The following ACAP2 variants were observed in gnomAD, a reference collection of about 807,000 sequenced individuals.
ACAP2 encodes ArfGAP with coiled-coil, ankyrin repeat and PH domains 2, also known as arf-GAP with coiled-coil, ANK repeat and PH domain-containing protein 2.
Under a neutral mutation model 115.8 loss-of-function variants are expected in ACAP2, and 39 were observed. That is an observed-to-expected ratio of 0.34 (90% CI 0.26 to 0.44). The LOEUF (loss-of-function observed/expected upper bound fraction) is 0.44. Among genes scored for constraint, ACAP2 ranks in the 20% least tolerant of loss-of-function variants. ACAP2 has a pLI of 1.00. For synonymous variants in ACAP2, 289 were observed against 315.8 expected (o/e 0.92, Z 0.90); for missense variants, 662 against 927.6 (o/e 0.71, Z 3.72).
intron 4 of ACAP2, among the ~76,000 whole-genome samples, chr3:195,368,504 T>C (rs973185617): frequency 1.3e-5 from 2 of 152,200 alleles, no homozygotes; most frequent in African/African-American, 4.8e-5. Flanking sequence ...TAATTCTTCC[T>C]CCTGCATTCC....
chr3:195,418,661 C>T (rs1713931458), intron 1 of ACAP2, among the ~76,000 whole-genome samples: 1 of 152,154 alleles, frequency 6.6e-6, no homozygotes, highest in South Asian at 2.1e-4. Flanking sequence ...AACACCTGGC[C>T]TCAAGCAATC....
chr3:195,380,828 GCACA>G (rs933277407), intron 4 of ACAP2, among the ~76,000 whole-genome samples, 177 bp downstream of exon 4: 1 of 151,834 alleles, frequency 6.6e-6, no homozygotes, highest in Non-Finnish European at 1.5e-5. Flanking sequence ...AGGCATGCAT[GCACA>G]CACACACTCA....
chr3:195,333,187 CAT>C, intron 7 of ACAP2, 64 bp from the exon 8 acceptor site: 3 of 740,840 alleles, frequency 4.0e-6, no homozygotes, highest in East Asian at 4.3e-5. Context: ...TGAAATATTA[CAT>C]ATATATATAA....
chr3:195,280,279 C>T (rs936328857), intron 22 of ACAP2, among the ~76,000 whole-genome samples: 2 of 152,032 alleles, frequency 1.3e-5, no homozygotes, highest in Non-Finnish European at 2.9e-5. Flanking sequence ...TTGAGACCGC[C>T]CGGCCAACAT....
intron 1 of ACAP2, among the ~76,000 whole-genome samples, chr3:195,420,783 C>T (rs562080578): frequency 1.1e-3 from 168 of 152,132 alleles, no homozygotes; most frequent in African/African-American, 3.9e-3. Flanking sequence ...GAAGGGATTA[C>T]GGGCACGAGC....
At chr3:195,332,576 T>C (rs1051369703) in intron 8 of ACAP2, among the ~76,000 whole-genome samples, 6 of 152,212 alleles carry the variant, frequency 3.9e-5, no homozygotes, top group Admixed American at 2.0e-4. Flanking sequence ...TCCTCCTTGA[T>C]ATGATTTGGC....
Position 195,279,490 on chromosome 3 carries a change from A to G in ACAP2, c.2237-62T>C, listed in dbSNP as rs1297492301. 4 of 1,093,312 alleles carry G rather than the reference A, an allele frequency of 3.7e-6. No individual in the cohort carries two copies. In the African/African-American group the frequency reaches 4.9e-5, roughly 14 times the overall value. 67.7% of individuals were successfully genotyped at this position (1,093,312 alleles called of 1,614,324 possible). On this transcript the variant is annotated intron_variant, in intron 22 of 22. Coordinates refer to ENST00000326793, the MANE Select transcript of ACAP2 (RefSeq NM_012287.6). ...CACAAGTATTAATCAAACAACATTC[A>G]TATTTATTACTAGTACTATTTTATA...
intron 2 of ACAP2, among the ~76,000 whole-genome samples, chr3:195,390,537 C>T (rs1012537796): frequency 6.6e-6 from 1 of 151,980 alleles, no homozygotes; most frequent in African/African-American, 2.4e-5. Context: ...CATTTGAAAA[C>T]CTTCAGCTTA....
intron 13 of ACAP2, 133 bp from the exon 14 acceptor site, chr3:195,302,307 T>C: frequency 1.3e-6 from 1 of 751,416 alleles, no homozygotes; most frequent in Non-Finnish European, 2.1e-6. Flanking sequence ...AAGGCAATAG[T>C]CTAGCTAGAA....
chr3:195,386,638 G>A (rs1734323612), intron 2 of ACAP2, among the ~76,000 whole-genome samples: 1 of 152,096 alleles, frequency 6.6e-6, no homozygotes, highest in Non-Finnish European at 1.5e-5. Context: ...AGCGGAGCCT[G>A]TCAGGTGCGG....
intron 13 of ACAP2, among the ~76,000 whole-genome samples, chr3:195,305,709 G>A (rs990962246): frequency 6.6e-5 from 10 of 152,018 alleles, no homozygotes; most frequent in African/African-American, 2.2e-4. Context: ...CATGCCCTTC[G>A]TCAATGTTCC....
intron 20 of ACAP2, 43 bp downstream of exon 20, chr3:195,291,663 T>A: frequency 6.6e-7 from 1 of 1,515,720 alleles, no homozygotes; most frequent in Non-Finnish European, 9.0e-7. Flanking sequence ...TCAAAATAAT[T>A]TTTCAAATAA....
intron 4 of ACAP2, among the ~76,000 whole-genome samples, chr3:195,372,191 G>C (rs573207377): frequency 6.6e-6 from 1 of 152,128 alleles, no homozygotes; most frequent in East Asian, 1.9e-4. Context: ...AACTGTAAAC[G>C]TACCAGCCTA....
At chr3:195,284,702 G>A (rs1471563296) in intron 22 of ACAP2, among the ~76,000 whole-genome samples, 1 of 152,136 alleles carries the variant, frequency 6.6e-6, no homozygotes, top group Non-Finnish European at 1.5e-5. Flanking sequence ...AGGAAGAAGA[G>A]ATGATATTAC....
In ACAP2 at chr3:195,275,969, A is replaced by G. The variant is rs1196243466; in HGVS notation, c.*3359T>C. The G allele has an allele frequency of 6.6e-6, 1 of 152,616 alleles. No individual in the cohort carries two copies. The highest frequency in any genetic ancestry group is 1.5e-5 in the Non-Finnish European group (1 of 68,038). 9.5% of individuals were successfully genotyped at this position (152,616 alleles called of 1,614,324 possible). A position where few individuals can be genotyped will look rare whatever the true frequency, so the allele number is the denominator to read the frequency against. Reference sequence around the variant, plus strand: ...GTTCTAAAGTCATTCTGGACATACAATCTACAAAAATACATCATTTTTCCA... The same window carrying G: ...GTTCTAAAGTCATTCTGGACATACAGTCTACAAAAATACATCATTTTTCCA... On this transcript the variant is annotated 3_prime_UTR_variant, in exon 23 of 23. Coordinates refer to ENST00000326793, the MANE Select transcript of ACAP2 (RefSeq NM_012287.6).
chr3:195,407,208 A>T (rs1457842389), intron 1 of ACAP2, among the ~76,000 whole-genome samples: 2 of 151,688 alleles, frequency 1.3e-5, no homozygotes, highest in Admixed American at 1.3e-4. Context: ...TTTAAAAAAA[A>T]AAAAAAAGCC....
intron 19 of ACAP2, 78 bp from the exon 20 acceptor site, chr3:195,291,893 T>G: frequency 8.0e-7 from 1 of 1,247,676 alleles, no homozygotes; most frequent in Non-Finnish European, 1.1e-6. Context: ...TAAAAACAAT[T>G]GGTTTTCGTT....
At chr3:195,365,181 TAGAA>T (rs1732634318) in intron 4 of ACAP2, among the ~76,000 whole-genome samples, 1 of 151,932 alleles carries the variant, frequency 6.6e-6, no homozygotes, top group African/African-American at 2.4e-5. Context: ...AAAATACAGT[TAGAA>T]AGAATGAATA....
chr3:195,378,089 A>C (rs866057045), intron 4 of ACAP2, among the ~76,000 whole-genome samples: 26 of 149,102 alleles, frequency 1.7e-4, no homozygotes, highest in African/African-American at 6.1e-4. Flanking sequence ...GGAGGAAGGG[A>C]GGAGGAGGAA....
Sources: allele counts gnomAD v4.1 joint callset (sites outside exome capture counted in the v4.1 genomes callset), GRCh38; gene constraint gnomAD v4.1.1; transcripts MANE v1.5; gene names NCBI Gene and HGNC (gene_info 2026-07-23, HGNC 2026-07-21).